AFF1: variants seen among roughly 807,000 people sequenced by gnomAD.
AFF1 encodes AF4/FMR2 family member 1.
AFF1 carries 48 observed loss-of-function variants against 121.7 expected under a neutral mutation model. That is an observed-to-expected ratio of 0.39 (90% CI 0.31 to 0.50). The LOEUF (loss-of-function observed/expected upper bound fraction) is 0.50. Ranked by LOEUF, AFF1 falls within the 20% of genes least tolerant of loss-of-function variation. The pLI, the probability that AFF1 is intolerant of heterozygous loss-of-function variation, is 0.76. For synonymous variants in AFF1, 613 were observed against 563.0 expected (o/e 1.09, Z -1.26); for missense variants, 1,523 against 1,511.7 (o/e 1.01, Z -0.12).
intron 16 of AFF1, among the ~76,000 whole-genome samples, chr4:87,129,854 T>C (rs1218990435): frequency 6.6e-6 from 1 of 152,230 alleles, no homozygotes; most frequent in African/African-American, 2.4e-5. Context: ...GTTTCTGCCC[T>C]GTGTAGAGTG....
rs59568294 is a variant in AFF1 at position 86,982,848 on chromosome 4, C to CAAAAAAAAAA, written c.38+34295_38+34304dup. Among the ~76,000 whole-genome samples, 136 of 53,800 alleles carry CAAAAAAAAAA rather than the reference C, an allele frequency of 2.5e-3. 3 individuals are homozygous for CAAAAAAAAAA. Among genetic ancestry groups the CAAAAAAAAAA allele is most frequent in the African/African-American group, 8.8e-3 (130 of 14,708 alleles). The allele number at this position is 53,800 out of a possible 152,430, so 35.3% of individuals were successfully genotyped here. A position where few individuals can be genotyped will look rare whatever the true frequency, so the allele number is the denominator to read the frequency against. On this transcript the variant is annotated intron_variant, in intron 2 of 20. Coordinates refer to ENST00000395146, the MANE Select transcript of AFF1 (RefSeq NM_001166693.3). ...GGGCGACAGAGTAAGACTCTGTCTC[C>CAAAAAAAAAA]AAAAAAAAAAAAAAAAAAAAAAAAA...
At chr4:87,071,297 T>A (rs1722028776) in intron 4 of AFF1, among the ~76,000 whole-genome samples, 1 of 152,070 alleles carries the variant, frequency 6.6e-6, no homozygotes, top group Non-Finnish European at 1.5e-5. Flanking sequence ...GACATTGAGA[T>A]GGCTTTTAAA....
chr4:87,020,403 A>G (rs987492844), intron 2 of AFF1, among the ~76,000 whole-genome samples: 3 of 152,234 alleles, frequency 2.0e-5, no homozygotes, highest in Non-Finnish European at 4.4e-5. Context: ...TTGATCTGCC[A>G]TGGACTAAGA....
rs1729393985 is a variant in AFF1, at chr4:87,034,718, C to G, written c.39-11448C>G. On this transcript the variant is annotated intron_variant, in intron 2 of 20. Transcript: ENST00000395146. ...TGTTAGCTGAGGCAACTCTCTTGGT[C>G]CATCTAAGAAAGGGTGTTGTCAGCC... is the stretch of plus-strand genomic sequence containing the variant. Among the ~76,000 whole-genome samples, 3 of 152,244 alleles carry G rather than the reference C, an allele frequency of 2.0e-5. No homozygotes were observed. In the South Asian group the frequency reaches 6.2e-4, roughly 32 times the overall value.
intron 8 of AFF1, among the ~76,000 whole-genome samples, chr4:87,104,959 T>C (rs1227142651): frequency 6.6e-6 from 1 of 152,194 alleles, no homozygotes; most frequent in Admixed American, 6.5e-5. Context: ...TGATCAGTGT[T>C]CACATAGGCA....
chr4:87,047,755 CAGATCTG>C, intron 4 of AFF1, 161 bp downstream of exon 4: 4 of 944,758 alleles, frequency 4.2e-6, no homozygotes, highest in Non-Finnish European at 3.4e-6. Flanking sequence ...GCGAAAAACT[CAGATCTG>C]AGATGGACGA....
At chr4:87,016,159 C>T (rs552117171) in intron 2 of AFF1, among the ~76,000 whole-genome samples, 103 of 150,610 alleles carry the variant, frequency 6.8e-4, no homozygotes, top group Middle Eastern at 3.6e-3. Flanking sequence ...CCAGCCTGGG[C>T]GATCTTTTGG....
intron 2 of AFF1, among the ~76,000 whole-genome samples, chr4:87,033,332 T>G (rs535690499): frequency 1.3e-5 from 2 of 152,360 alleles, no homozygotes; most frequent in Admixed American, 6.5e-5. Flanking sequence ...GCATTTGTTC[T>G]GGCTGAAGCT....
chr4:87,127,595 G>A (rs781309997), intron 15 of AFF1, 48 bp from the exon 16 acceptor site: 1 of 1,590,118 alleles, frequency 6.3e-7, no homozygotes, highest in East Asian at 2.2e-5. Flanking sequence ...CCCTAGTCTA[G>A]TAATTTTTGG....
chr4:87,006,485 C>A (rs1311327178), intron 2 of AFF1, among the ~76,000 whole-genome samples: 2 of 152,154 alleles, frequency 1.3e-5, no homozygotes, highest in Non-Finnish European at 2.9e-5. Flanking sequence ...CTGTAATCTA[C>A]GTGTAGTCCA....
intron 1 of AFF1, among the ~76,000 whole-genome samples, chr4:86,939,524 C>T (rs1054006108): frequency 2.3e-4 from 35 of 152,266 alleles, no homozygotes; most frequent in South Asian, 1.0e-3. Flanking sequence ...TTAACAGACA[C>T]GTGGTGTTTA....
intron 2 of AFF1, among the ~76,000 whole-genome samples, chr4:86,976,528 C>G (rs1723316976): frequency 6.6e-6 from 1 of 152,188 alleles, no homozygotes; most frequent in East Asian, 1.9e-4. Flanking sequence ...AACAGAAAAC[C>G]GAATACCACA....
At chr4:87,081,490 A>G (rs1723175215) in intron 4 of AFF1, among the ~76,000 whole-genome samples, 1 of 152,150 alleles carries the variant, frequency 6.6e-6, no homozygotes, top group African/African-American at 2.4e-5. Flanking sequence ...AGAAAAAAGT[A>G]TGTATGTTGA....
chr4:87,022,598 C>G (rs779546340), intron 2 of AFF1, among the ~76,000 whole-genome samples: 1,174 of 95,672 alleles, frequency 0.012, 13 homozygotes, highest in South Asian at 0.018. Flanking sequence ...CTATATCTAT[C>G]TGTGTGTATA....
At chr4:86,947,506 CATTTGT>C (rs1720949368) in intron 1 of AFF1, among the ~76,000 whole-genome samples, 1 of 152,172 alleles carries the variant, frequency 6.6e-6, no homozygotes, top group Non-Finnish European at 1.5e-5. Context: ...TGTGTGTTTC[CATTTGT>C]ATCAAATGGT....
intron 4 of AFF1, among the ~76,000 whole-genome samples, chr4:87,076,632 C>A (rs912193515): frequency 1.3e-5 from 2 of 152,206 alleles, no homozygotes; most frequent in Non-Finnish European, 2.9e-5. Flanking sequence ...ACCCCTCCAT[C>A]CATATTAATC....
At position 86,935,034 on chromosome 4, in the gene AFF1, C is replaced by G. The variant is rs1276662255; in HGVS notation, c.-243C>G. 1 of 151,872 alleles carries G rather than the reference C, an allele frequency of 6.6e-6. No individual in the cohort carries two copies. Among genetic ancestry groups the G allele is most frequent in the Admixed American group, 6.6e-5 (1 of 15,246 alleles). 9.4% of individuals were successfully genotyped at this position (151,872 alleles called of 1,614,324 possible). A position where few individuals can be genotyped will look rare whatever the true frequency, so the allele number is the denominator to read the frequency against. On this transcript the variant is annotated 5_prime_UTR_variant, in exon 1 of 21. Coordinates refer to ENST00000395146, the MANE Select transcript of AFF1 (RefSeq NM_001166693.3). ...CCAGCCAGCTAGCGAGCGACGGGCGCGCGCGGCCCCTGCGCACTCGGCCGC... is the reference window on the plus strand; with the variant it reads ...CCAGCCAGCTAGCGAGCGACGGGCGGGCGCGGCCCCTGCGCACTCGGCCGC...
intron 1 of AFF1, among the ~76,000 whole-genome samples, chr4:86,938,676 CATTT>C (rs1450661651): frequency 6.6e-6 from 1 of 152,012 alleles, no homozygotes. Context: ...CTCTGTAATC[CATTT>C]ATTAAAATTC....
chr4:87,119,439 C>A (rs888974286), intron 12 of AFF1, among the ~76,000 whole-genome samples: 1 of 151,908 alleles, frequency 6.6e-6, no homozygotes, highest in Non-Finnish European at 1.5e-5. Context: ...GGCACAGTAG[C>A]GCATGCCTGA....
Sources: allele counts gnomAD v4.1 joint callset (sites outside exome capture counted in the v4.1 genomes callset), GRCh38; gene constraint gnomAD v4.1.1; transcripts MANE v1.5; gene names NCBI Gene and HGNC (gene_info 2026-07-23, HGNC 2026-07-21).